Variants in CCDC148 observed in about 807,000 individuals in gnomAD.
CCDC148 encodes the protein coiled-coil domain containing 148.
CCDC148 carries 89 observed loss-of-function variants against 85.7 expected under a neutral mutation model. The ratio of observed to expected loss-of-function variants is 1.04; its 90% CI spans 0.87 to 1.24. The LOEUF is 1.24. Among genes scored for constraint, CCDC148 ranks in the 50% most tolerant of loss-of-function variants. The pLI, the probability that CCDC148 is intolerant of heterozygous loss-of-function variation, is 0.00. For synonymous variants in CCDC148, 230 were observed against 213.9 expected (o/e 1.08, Z -0.66); for missense variants, 692 against 671.7 (o/e 1.03, Z -0.33).
intron 9 of CCDC148, among the ~76,000 whole-genome samples, chr2:158,256,214 AG>A (rs146428215): frequency 0.03 from 4,537 of 151,912 alleles, 122 homozygotes; most frequent in African/African-American, 0.073. Flanking sequence ...TATGGCATAA[AG>A]GAAATGAATA....
intron 1 of CCDC148, chr2:158,380,896 T>C (rs1684842756): frequency 6.6e-6 from 1 of 152,164 alleles, no homozygotes; most frequent in Non-Finnish European, 1.5e-5. Context: ...TAAATGGTCC[T>C]GGTTCTGTTG....
chr2:158,327,886 A>G (rs1692863789), intron 7 of CCDC148, among the ~76,000 whole-genome samples: 1 of 152,070 alleles, frequency 6.6e-6, no homozygotes, highest in Admixed American at 6.6e-5. Flanking sequence ...CAAATATTCT[A>G]TATTTAGAAT....
intron 9 of CCDC148, among the ~76,000 whole-genome samples, chr2:158,278,354 G>A (rs1416590413): frequency 1.3e-5 from 2 of 152,192 alleles, no homozygotes; most frequent in Admixed American, 6.5e-5. Flanking sequence ...AAAGGGATCA[G>A]AGAGTGCCCT....
intron 1 of CCDC148, among the ~76,000 whole-genome samples, chr2:158,412,066 C>A (rs1686284815): frequency 6.6e-6 from 1 of 152,102 alleles, no homozygotes; most frequent in African/African-American, 2.4e-5. Flanking sequence ...GTTTTACTGA[C>A]AAAGGCTGTG....
intron 7 of CCDC148, among the ~76,000 whole-genome samples, chr2:158,336,632 T>C (rs1448524511): frequency 6.6e-6 from 1 of 152,160 alleles, no homozygotes; most frequent in African/African-American, 2.4e-5. Flanking sequence ...TTATGGATAA[T>C]TATAAGTGGC....
chr2:158,285,529 A>G (rs1038228744), intron 9 of CCDC148, among the ~76,000 whole-genome samples: 3 of 150,652 alleles, frequency 2.0e-5, no homozygotes, highest in African/African-American at 7.4e-5. Context: ...ACTATAAGGT[A>G]ACTACTTTTT....
Position 158,456,575 on chromosome 2 carries a change from A to G in CCDC148, c.-136T>C. The G allele has an allele frequency of 9.0e-7, 1 of 1,111,994 alleles. No homozygotes were observed. The highest frequency in any genetic ancestry group is 1.3e-6 in the Non-Finnish European group (1 of 788,792). The allele number at this position is 1,111,994 out of a possible 1,614,324, so 68.9% of individuals were successfully genotyped here. A position where few individuals can be genotyped will look rare whatever the true frequency, so the allele number is the denominator to read the frequency against. On this transcript the variant is annotated 5_prime_UTR_variant, in exon 1 of 14. The change abolishes the stop of an existing upstream ORF in the 5' untranslated region. Transcript: ENST00000283233. ...ACCTTTGACGCCAGGGACAAACCCT[A>G]CCAGGCACAGTTGGGATTGGCAGTA...
At chr2:158,288,300 G>A (rs1690728692) in intron 9 of CCDC148, among the ~76,000 whole-genome samples, 1 of 152,198 alleles carries the variant, frequency 6.6e-6, no homozygotes, top group East Asian at 1.9e-4. Context: ...AATTTCTGCA[G>A]CCAGCTTGTA....
chr2:158,399,835 GTC>G (rs1685696345), intron 1 of CCDC148, among the ~76,000 whole-genome samples: 1 of 152,056 alleles, frequency 6.6e-6, no homozygotes, highest in African/African-American at 2.4e-5. Flanking sequence ...AAGTCAAATT[GTC>G]TCTGTTTGCA....
intron 2 of CCDC148, among the ~76,000 whole-genome samples, chr2:158,355,903 C>T (rs1472526330): frequency 7.6e-6 from 1 of 131,496 alleles, no homozygotes; most frequent in Non-Finnish European, 1.5e-5. Flanking sequence ...TGGAACAGAA[C>T]AGAGCCCTCA....
Position 158,341,309 on chromosome 2 carries a change from ATTTT to A in CCDC148, c.252-633_252-630del, listed in dbSNP as rs10552652. Among the ~76,000 whole-genome samples the A allele has an allele frequency of 4.3e-5, 6 of 138,790 alleles. 1 individual carries two copies. The highest frequency in any genetic ancestry group is 3.2e-5 in the Non-Finnish European group (2 of 63,266). 91.1% of individuals were successfully genotyped at this position (138,790 alleles called of 152,430 possible). A position where few individuals can be genotyped will look rare whatever the true frequency, so the allele number is the denominator to read the frequency against. On this transcript the variant is annotated intron_variant, in intron 3 of 13. Coordinates refer to ENST00000283233, the MANE Select transcript of CCDC148 (RefSeq NM_138803.4). ...TATGTATACATATGTGTACATACAT[ATTTT>A]TTTTTTTTTTTTGGACTGAGTCTCG...
chr2:158,410,150 T>C (rs1043925630), intron 1 of CCDC148, among the ~76,000 whole-genome samples: 2 of 152,192 alleles, frequency 1.3e-5, no homozygotes, highest in Non-Finnish European at 2.9e-5. Context: ...AAAGTCTATT[T>C]TGTCTAATTT....
chr2:158,259,936 A>G (rs1403052128), intron 9 of CCDC148, among the ~76,000 whole-genome samples: 2 of 151,910 alleles, frequency 1.3e-5, no homozygotes, highest in East Asian at 3.9e-4. Flanking sequence ...CTAACATTTG[A>G]CTAACCCATC....
intron 7 of CCDC148, among the ~76,000 whole-genome samples, chr2:158,318,937 T>C (rs1486363449): frequency 6.6e-6 from 1 of 152,034 alleles, no homozygotes; most frequent in East Asian, 1.9e-4. Context: ...ACTCAGCTAA[T>C]TTTTTATTTT....
intron 1 of CCDC148, among the ~76,000 whole-genome samples, chr2:158,360,110 C>A (rs1428932282): frequency 6.6e-6 from 1 of 152,222 alleles, no homozygotes; most frequent in Non-Finnish European, 1.5e-5. Context: ...CTGCTGTAGA[C>A]AGACTACTTC....
At chr2:158,322,094 T>C (rs974151692) in intron 7 of CCDC148, among the ~76,000 whole-genome samples, 2 of 152,170 alleles carry the variant, frequency 1.3e-5, no homozygotes, top group African/African-American at 4.8e-5. Context: ...AATTTACCAA[T>C]GCTACCAAAA....
At chr2:158,251,938 G>T (rs1400908288) in intron 9 of CCDC148, among the ~76,000 whole-genome samples, 3 of 151,646 alleles carry the variant, frequency 2.0e-5, no homozygotes, top group Non-Finnish European at 3.0e-5. Context: ...TCTGTGCTGG[G>T]TGACATTTTT....
At chr2:158,235,212 G>T (rs896698127) in intron 10 of CCDC148, among the ~76,000 whole-genome samples, 1 of 152,146 alleles carries the variant, frequency 6.6e-6, no homozygotes, top group South Asian at 2.1e-4. Flanking sequence ...TTTTTATAAT[G>T]TCTGGCCAAG....
chr2:158,441,614 C>T (rs146037574), intron 1 of CCDC148, among the ~76,000 whole-genome samples: 137 of 152,210 alleles, frequency 9.0e-4, no homozygotes, highest in Admixed American at 5.4e-3. Flanking sequence ...TATGTGACAT[C>T]CTATGGCTCA....
Sources: gnomAD v4.1 joint callset for allele counts (sites outside exome capture counted in the v4.1 genomes callset) on GRCh38, gnomAD v4.1.1 for gene constraint, MANE v1.5 for transcripts, NCBI Gene and HGNC (gene_info 2026-07-23, HGNC 2026-07-21) for gene names.